ASIC2: variants seen among roughly 807,000 people sequenced by gnomAD.
The protein encoded by ASIC2 is acid-sensing ion channel 2.
Under a neutral mutation model 57.3 loss-of-function variants are expected in ASIC2, and 25 were observed. The observed-to-expected ratio is 0.44, with a 90% CI of 0.32 to 0.61. The LOEUF (loss-of-function observed/expected upper bound fraction) is 0.61. Among genes scored for constraint, ASIC2 ranks in the 20% least tolerant of loss-of-function variants. The pLI is 0.06. For missense variants in ASIC2, 641 were observed against 738.1 expected, an observed-to-expected ratio of 0.87 and a Z score of 1.52; for synonymous variants, 319 against 307.5, an observed-to-expected ratio of 1.04 and a Z score of -0.39.
intron 1 of ASIC2, among the ~76,000 whole-genome samples, chr17:33,647,236 T>C (rs1208984867): frequency 6.6e-6 from 1 of 152,154 alleles, no homozygotes; most frequent in African/African-American, 2.4e-5. Context: ...TATAGAAATG[T>C]CAGGAGGATT....
intron 1 of ASIC2, among the ~76,000 whole-genome samples, chr17:34,036,360 T>C (rs1907876777): frequency 9.0e-6 from 1 of 111,046 alleles, no homozygotes; most frequent in Admixed American, 1.3e-4. Flanking sequence ...CATCACACTC[T>C]GGGGACTGTT....
intron 1 of ASIC2, among the ~76,000 whole-genome samples, chr17:34,124,037 T>C (rs926055741): frequency 6.6e-6 from 1 of 152,148 alleles, no homozygotes; most frequent in Non-Finnish European, 1.5e-5. Flanking sequence ...GCCAAGATCA[T>C]GCCACTGCCC....
At chr17:33,263,139 AGCTTAGTATTAATTTATTTATAT>A (rs1909343991) in intron 1 of ASIC2, among the ~76,000 whole-genome samples, 1 of 152,100 alleles carries the variant, frequency 6.6e-6, no homozygotes, top group Non-Finnish European at 1.5e-5. Context: ...CCTAGCTGAG[AGCTTAGTATTAATTTATTTATAT>A]GTACACCGCC....
intron 1 of ASIC2, among the ~76,000 whole-genome samples, chr17:33,158,088 A>G (rs1419362521): frequency 6.6e-6 from 1 of 151,960 alleles, no homozygotes; most frequent in Non-Finnish European, 1.5e-5. Context: ...CCACCAGCAC[A>G]CCCTGTCCTC....
intron 1 of ASIC2, among the ~76,000 whole-genome samples, chr17:33,836,723 T>G (rs1045335221): frequency 1.3e-5 from 2 of 151,890 alleles, no homozygotes; most frequent in East Asian, 3.9e-4. Flanking sequence ...TGTGGTGGCA[T>G]GCGCCTGTAA....
intron 1 of ASIC2, among the ~76,000 whole-genome samples, chr17:33,210,790 C>G (rs1907239377): frequency 6.6e-6 from 1 of 152,206 alleles, no homozygotes; most frequent in African/African-American, 2.4e-5. Context: ...CCTATATACC[C>G]TCCCAGGAAT....
chr17:34,075,389 C>T (rs998786231), intron 1 of ASIC2, among the ~76,000 whole-genome samples: 6 of 152,300 alleles, frequency 3.9e-5, no homozygotes, highest in South Asian at 4.2e-4. Context: ...TGGCCCTTTC[C>T]GAGACACAGT....
intron 3 of ASIC2, among the ~76,000 whole-genome samples, chr17:33,084,315 G>A (rs1348690720): frequency 1.3e-5 from 2 of 152,176 alleles, no homozygotes; most frequent in Non-Finnish European, 2.9e-5. Context: ...GGACTCCTAG[G>A]CTGATTTGTT....
chr17:33,379,983 T>A (rs968972997), intron 1 of ASIC2, among the ~76,000 whole-genome samples: 1 of 152,158 alleles, frequency 6.6e-6, no homozygotes, highest in Admixed American at 6.5e-5. Context: ...CGGAGGCTCA[T>A]GCCTCTAATT....
chr17:33,544,769 A>C (rs1915527927), intron 1 of ASIC2, among the ~76,000 whole-genome samples: 1 of 152,198 alleles, frequency 6.6e-6, no homozygotes, highest in African/African-American at 2.4e-5. Flanking sequence ...TACATACATA[A>C]AATGGAAAAT....
At chr17:33,088,379 C>A (rs1477257929) in intron 3 of ASIC2, among the ~76,000 whole-genome samples, 2 of 152,090 alleles carry the variant, frequency 1.3e-5, no homozygotes, top group African/African-American at 4.8e-5. Flanking sequence ...GGTCCCCTCC[C>A]CAGCGCTATA....
At chr17:33,440,977 CT>C (rs1286316045) in intron 1 of ASIC2, among the ~76,000 whole-genome samples, 1 of 151,450 alleles carries the variant, frequency 6.6e-6, no homozygotes, top group Non-Finnish European at 1.5e-5. Flanking sequence ...CTTTTCTTTT[CT>C]TTTTTTTAAA....
intron 1 of ASIC2, among the ~76,000 whole-genome samples, chr17:33,562,259 C>T (rs1385251697): frequency 6.6e-6 from 1 of 151,850 alleles, no homozygotes; most frequent in Non-Finnish European, 1.5e-5. Context: ...TATGCAGGGG[C>T]TATCTTTCCC....
At chr17:34,079,549 T>G (rs967311068) in intron 1 of ASIC2, among the ~76,000 whole-genome samples, 1 of 152,220 alleles carries the variant, frequency 6.6e-6, no homozygotes, top group Non-Finnish European at 1.5e-5. Flanking sequence ...CAAGTCAGAA[T>G]CACTGGATTT....
At position 33,503,722 on chromosome 17, in the gene ASIC2, G is replaced by A. The variant is rs537608491; in HGVS notation, c.556-391655C>T. Reference sequence around the variant, plus strand: ...GTTCAAAAATGGCACTGGACTGACTGCAGTTCTGATCCTAGCTCTGCCACC... The same window carrying A: ...GTTCAAAAATGGCACTGGACTGACTACAGTTCTGATCCTAGCTCTGCCACC... On this transcript the variant is annotated intron_variant, in intron 1 of 9. Transcript: ENST00000359872. Among the ~76,000 whole-genome samples, 14 of 152,316 alleles carry A rather than the reference G, an allele frequency of 9.2e-5. No individual in the cohort carries two copies. In the South Asian group the frequency reaches 2.3e-3, roughly 25 times the overall value.
chr17:33,909,663 A>G (rs1915420481), intron 1 of ASIC2, among the ~76,000 whole-genome samples: 1 of 152,144 alleles, frequency 6.6e-6, no homozygotes, highest in Non-Finnish European at 1.5e-5. Context: ...ATTAACCACA[A>G]CTCAGAGGTG....
At chr17:33,892,845 G>A (rs1391440931) in intron 1 of ASIC2, among the ~76,000 whole-genome samples, 1 of 152,158 alleles carries the variant, frequency 6.6e-6, no homozygotes, top group African/African-American at 2.4e-5. Flanking sequence ...GTGCTCCGCT[G>A]GTGACCTGAA....
At chr17:33,492,284 A>G (rs1913786656) in intron 1 of ASIC2, among the ~76,000 whole-genome samples, 1 of 152,202 alleles carries the variant, frequency 6.6e-6, no homozygotes, top group African/African-American at 2.4e-5. Flanking sequence ...AGCACAGGCC[A>G]TGATTGTTAA....
At chr17:34,011,185 A>G (rs1417565763) in intron 1 of ASIC2, among the ~76,000 whole-genome samples, 1 of 151,438 alleles carries the variant, frequency 6.6e-6, no homozygotes, top group Non-Finnish European at 1.5e-5. Context: ...ACATGCACAG[A>G]TGCACACACA....
Sources: allele counts gnomAD v4.1 joint callset (sites outside exome capture counted in the v4.1 genomes callset), GRCh38; gene constraint gnomAD v4.1.1; transcripts MANE v1.5; gene names NCBI Gene and HGNC (gene_info 2026-07-23, HGNC 2026-07-21).